Variants in MEGF8 observed in about 807,000 individuals in gnomAD.
The protein encoded by MEGF8 is multiple epidermal growth factor-like domains protein 8.
MEGF8 carries 156 observed loss-of-function variants against 302.9 expected under a neutral mutation model. The observed-to-expected ratio is 0.52, with a 90% CI of 0.45 to 0.59. The LOEUF is 0.59. MEGF8 is among the 20% of genes least tolerant of loss of function. The pLI, the probability that MEGF8 is intolerant of heterozygous loss-of-function variation, is 0.00. For missense variants in MEGF8, 3,345 were observed against 3,964.5 expected, an observed-to-expected ratio of 0.84 and a Z score of 4.20; for synonymous variants, 1,621 against 1,660.5, an observed-to-expected ratio of 0.98 and a Z score of 0.58.
In MEGF8 at chr19:42,343,599, C is replaced by T. The variant is rs756900845; in HGVS notation, c.1636C>T (p.Pro546Ser). 6 of 1,610,948 alleles carry T rather than the reference C, an allele frequency of 3.7e-6. No individual in the cohort carries two copies. Among genetic ancestry groups the T allele is most frequent in the Non-Finnish European group, 4.2e-6 (5 of 1,178,610 alleles). The change falls in exon 9 of 42, where the codon CCC becomes TCC. Residue 546 changes from proline to serine, a missense_variant. Physicochemically the swap from Pro to Ser is moderately conservative, Grantham distance 74. Transcript: ENST00000251268. The stretch of plus-strand genomic sequence containing the variant: ...TGGGGACTTGATGGCGTACAAGGTG[C>T]CCCCCTTTGTGTTCCAGGCACCTGC... Reference protein sequence around the residue: ...PRGDLMAYKVPPFVFQAPAPD... With the variant: ...PRGDLMAYKVSPFVFQAPAPD...
In MEGF8 at chr19:42,376,201, T is replaced by G. The variant is rs1163716739; in HGVS notation, c.7964T>G (p.Phe2655Cys). The stretch of plus-strand genomic sequence containing the variant: ...GACCTGTTTGTCTTCTTCTCCGTCT[T>G]CTTCTCCTGCTTCTTCCTCTTCCTC... ...HIDLFVFFSV[F>C]FSCFFLFLSL... Residue 2655 changes from phenylalanine to cysteine, a missense_variant, in exon 42 of 42, where the codon TTC becomes TGC. Phe to Cys is a radical substitution (Grantham distance 205). Coordinates refer to ENST00000251268, the MANE Select transcript of MEGF8 (RefSeq NM_001271938.2). This position sits in a 1 kb window ranked among gnomAD's most constrained non-coding sequence, Gnocchi z 8.2. 1 of 1,606,160 alleles carries G rather than the reference T, an allele frequency of 6.2e-7. No individual in the cohort carries two copies. The highest frequency in any genetic ancestry group is 8.5e-7 in the Non-Finnish European group (1 of 1,176,454).
Position 42,336,146 on chromosome 19 carries a change from T to G in MEGF8, c.1044T>G (p.Tyr348Ter). The G allele has an allele frequency of 1.9e-6, 3 of 1,610,500 alleles. No homozygotes were observed. The highest frequency in any genetic ancestry group is 2.5e-6 in the Non-Finnish European group (3 of 1,179,758). ...CCCTGGTGGATGATGTCTGGCTATA[T>G]GTGTCTGGAGGCCGCACCCCGCACG... is the stretch of plus-strand genomic sequence containing the variant. ...AAALVDDVWL[Y>*]VSGGRTPHDL... The change falls in exon 6 of 42, where the codon TAT becomes TAG. Residue 348 changes from tyrosine to a stop codon, truncating the protein, a stop_gained. Transcript: ENST00000251268. LOFTEE classifies it high-confidence loss of function. The surrounding 1 kb of genome is among the most constrained non-coding windows in gnomAD (Gnocchi z 4.8).
At position 42,357,560 on chromosome 19, in the gene MEGF8, G is replaced by T; in HGVS notation, c.4987G>T (p.Ala1663Ser). Residue 1663 changes from alanine (A) to serine (S), a missense_variant, in exon 28 of 42, where the codon GCC (alanine) becomes TCC (serine). Ala to Ser is a moderately conservative substitution (Grantham distance 99, BLOSUM62 1). Transcript: ENST00000251268. This position sits in a 1 kb window ranked among gnomAD's most constrained non-coding sequence, Gnocchi z 5.2. Reference protein sequence around the residue: ...QLATGTWVSGAQSGTPPTGLY... With the variant: ...QLATGTWVSGSQSGTPPTGLY... ...GGCAACCGGCACCTGGGTGTCAGGA[G>T]CCCAGAGTGGGACACCCCCCACAGG... is the stretch of plus-strand genomic sequence containing the variant. 2 of 1,610,280 alleles carry T rather than the reference G, an allele frequency of 1.2e-6. No homozygotes were observed. The highest frequency in any genetic ancestry group is 1.7e-6 in the Non-Finnish European group (2 of 1,178,516).
chr19:42,336,340 C>G lies in MEGF8; in HGVS notation c.1238C>G (p.Thr413Ser). The G allele has an allele frequency of 6.3e-7, 1 of 1,594,086 alleles. No homozygotes were observed. Among genetic ancestry groups the G allele is most frequent in the Non-Finnish European group, 8.5e-7 (1 of 1,171,552 alleles). ...GTCCATGGTGGACACCGGCCCTCCACTGCCCGGTAAGTGACCTGTCCCATA... is the reference window on the plus strand; with the variant it reads ...GTCCATGGTGGACACCGGCCCTCCAGTGCCCGGTAAGTGACCTGTCCCATA... The part of the protein sequence containing the change: ...LLVHGGHRPS[T>S]ARFSVRVNST... The change falls in exon 6 of 42, where the codon ACT (threonine) becomes AGT (serine). Residue 413 changes from threonine (T) to serine (S), a missense_variant. By Grantham distance (58) the Thr-to-Ser change is moderately conservative. Coordinates refer to ENST00000251268, the MANE Select transcript of MEGF8 (RefSeq NM_001271938.2). The surrounding 1 kb of genome is among the most constrained non-coding windows in gnomAD (Gnocchi z 4.8).
Position 42,344,907 on chromosome 19 carries a change from C to CT in MEGF8, c.2097+77dup, listed in dbSNP as rs763708388. The CT allele has an allele frequency of 1.4e-4, 195 of 1,399,444 alleles. No homozygotes were observed. Among genetic ancestry groups the CT allele is most frequent in the Admixed American group, 5.5e-4 (22 of 39,968 alleles). 86.7% of individuals were successfully genotyped at this position (1,399,444 alleles called of 1,614,324 possible). A position where few individuals can be genotyped will look rare whatever the true frequency, so the allele number is the denominator to read the frequency against. On this transcript the variant is annotated intron_variant, in intron 12 of 41. Coordinates refer to ENST00000251268, the MANE Select transcript of MEGF8 (RefSeq NM_001271938.2). This position sits in a 1 kb window ranked among gnomAD's most constrained non-coding sequence, Gnocchi z 4.5. ...AGGGTTTGTTTTTTCTCAAATGCAT[C>CT]TTTATCACTCTTATGTTTACTCCAA...
At position 42,360,911 on chromosome 19, in the gene MEGF8, C is replaced by T. The variant is rs2039522217; in HGVS notation, c.5625C>T (p.Asp1875=). ...GRLLALTLPP[D]PCRLLSSPEA... ...TGCTGGCACTGACCCTGCCCCCTGA[C>T]CCCTGCCGCCTGCTGTCCTCACCTG... Residue 1875 remains aspartate, a synonymous_variant, in exon 32 of 42, where the codon GAC becomes GAT. Coordinates refer to ENST00000251268, the MANE Select transcript of MEGF8 (RefSeq NM_001271938.2). The T allele has an allele frequency of 6.2e-7, 1 of 1,612,720 alleles. No individual in the cohort carries two copies. Among genetic ancestry groups the T allele is most frequent in the Admixed American group, 1.7e-5 (1 of 59,936 alleles).
intron 34 of MEGF8, among the ~76,000 whole-genome samples, 152 bp from the exon 35 acceptor site, chr19:42,362,896 C>G (rs1260193484): frequency 1.4e-5 from 2 of 141,636 alleles, no homozygotes; most frequent in Admixed American, 1.4e-4. Flanking sequence ...GGCTGGGCAC[C>G]TGATCTCTTG....
intron 8 of MEGF8, among the ~76,000 whole-genome samples, chr19:42,340,622 A>T (rs1311238509): frequency 1.3e-5 from 2 of 151,896 alleles, no homozygotes; most frequent in African/African-American, 4.8e-5. Context: ...GATTATAAGC[A>T]TGAGCCACCG....
chr19:42,338,602 C>CT (rs2039165921), intron 8 of MEGF8, among the ~76,000 whole-genome samples: 1 of 152,024 alleles, frequency 6.6e-6, no homozygotes, highest in African/African-American at 2.4e-5. Flanking sequence ...CCTCAAGTGT[C>CT]TGTTGTTCCC....
rs942796631 is a variant in MEGF8 at position 42,351,803 on chromosome 19, C to A, written c.3101+42C>A. 2.7e-6 allele frequency: 4 copies of A among 1,498,002 alleles called. No individual in the cohort carries two copies. The highest frequency in any genetic ancestry group is 3.6e-6 in the Non-Finnish European group (4 of 1,099,434). 92.8% of individuals were successfully genotyped at this position (1,498,002 alleles called of 1,614,324 possible). A position where few individuals can be genotyped will look rare whatever the true frequency, so the allele number is the denominator to read the frequency against. On this transcript the variant is annotated intron_variant, in intron 18 of 41. Transcript: ENST00000251268. This position sits in a 1 kb window ranked among gnomAD's most constrained non-coding sequence, Gnocchi z 5.6. ...GGGTGGGCAGGGTGCCCGGCTGTGT[C>A]CTTCCTCCATGACCGGTCATTCTAA... is the stretch of plus-strand genomic sequence containing the variant.
rs954052023 is a variant in MEGF8, at chr19:42,344,633, A to T, written c.1934-37A>T. 5.1e-6 allele frequency: 8 copies of T among 1,567,036 alleles called. No homozygotes were observed. The highest frequency in any genetic ancestry group is 6.9e-6 in the Non-Finnish European group (8 of 1,153,454). ...CGGCAGGAGGGGGCCAGAGCACTCC[A>T]CACTGACCCACCGGCCCCCACCCCC... is the stretch of plus-strand genomic sequence containing the variant. On this transcript the variant is annotated intron_variant, in intron 11 of 41. Coordinates refer to ENST00000251268, the MANE Select transcript of MEGF8 (RefSeq NM_001271938.2). This position sits in a 1 kb window ranked among gnomAD's most constrained non-coding sequence, Gnocchi z 4.5.
rs916505803 is a variant in MEGF8 at position 42,378,746 on chromosome 19, A to C, written c.*1971A>C. On this transcript the variant is annotated 3_prime_UTR_variant, in exon 42 of 42. Coordinates refer to ENST00000251268, the MANE Select transcript of MEGF8 (RefSeq NM_001271938.2). Reference sequence around the variant, plus strand: ...GAAGAGGGGGGTGATGAAATTAACAAATAAAAAGTATGGGGAAAACCCAGG... The same window carrying C: ...GAAGAGGGGGGTGATGAAATTAACACATAAAAAGTATGGGGAAAACCCAGG... 2 of 153,570 alleles carry C rather than the reference A, an allele frequency of 1.3e-5. No individual in the cohort carries two copies. The highest frequency in any genetic ancestry group is 2.9e-5 in the Non-Finnish European group (2 of 68,058). The allele number at this position is 153,570 out of a possible 1,614,324, so 9.5% of individuals were successfully genotyped here.
chr19:42,358,593 A>G lies in MEGF8; in HGVS notation c.5176-194A>G, dbSNP rs2039485905. Among the ~76,000 whole-genome samples, 1 of 152,174 alleles carries G rather than the reference A, an allele frequency of 6.6e-6. No individual in the cohort carries two copies. Among genetic ancestry groups the G allele is most frequent in the South Asian group, 2.1e-4 (1 of 4,826 alleles). On this transcript the variant is annotated intron_variant, in intron 29 of 41. Transcript: ENST00000251268. The surrounding 1 kb of genome is among the most constrained non-coding windows in gnomAD (Gnocchi z 4.4). The stretch of plus-strand genomic sequence containing the variant: ...CTGGGTTTTTCCACTCGTATAAACC[A>G]GGACTGAGGCTCCCCGCTCTTTCTG...
At position 42,325,881 on chromosome 19, in the gene MEGF8, A is replaced by G. The variant is rs377656252; in HGVS notation, c.-363A>G. 20 of 200,290 alleles carry G rather than the reference A, an allele frequency of 1.0e-4. 1 individual carries two copies. In the East Asian group the frequency reaches 1.1e-3, roughly 11 times the overall value. 12.4% of individuals were successfully genotyped at this position (200,290 alleles called of 1,614,324 possible). On this transcript the variant is annotated 5_prime_UTR_variant, in exon 1 of 42. Coordinates refer to ENST00000251268, the MANE Select transcript of MEGF8 (RefSeq NM_001271938.2). Reference sequence around the variant, plus strand: ...TCGCCCCCTGGGGACCCACCCGTCTATAAGGTCCGTTTGGCCTGCAGCAGC... The same window carrying G: ...TCGCCCCCTGGGGACCCACCCGTCTGTAAGGTCCGTTTGGCCTGCAGCAGC...
chr19:42,357,794 A>G lies in MEGF8; in HGVS notation c.5011+210A>G, dbSNP rs535341317. Among the ~76,000 whole-genome samples the G allele has an allele frequency of 6.6e-6, 1 of 152,148 alleles. No individual in the cohort carries two copies. The highest frequency in any genetic ancestry group is 2.1e-4 in the South Asian group (1 of 4,824). On this transcript the variant is annotated intron_variant, in intron 28 of 41. Transcript: ENST00000251268. This position sits in a 1 kb window ranked among gnomAD's most constrained non-coding sequence, Gnocchi z 5.2. ...CAACTAACTGCCCACTCCCGGCCAC[A>G]TGTGGCCACCGTCCCCTGCCCCCAG...
At position 42,369,666 on chromosome 19, in the gene MEGF8, T is replaced by C; in HGVS notation, c.6777T>C (p.Ser2259=). ...CGGAATGCCGCTGCAACCGCCACAG[T>C]GAATGCGCTGGTGTTGGGGCGCGTG... ...CSTECRCNRH[S]ECAGVGARDH... The change falls in exon 38 of 42, where the codon AGT becomes AGC. Residue 2259 remains serine, a synonymous_variant. Coordinates refer to ENST00000251268, the MANE Select transcript of MEGF8 (RefSeq NM_001271938.2). The surrounding 1 kb of genome is among the most constrained non-coding windows in gnomAD (Gnocchi z 5.7). 6.2e-7 allele frequency: 1 copy of C among 1,612,876 alleles called. No individual in the cohort carries two copies. The highest frequency in any genetic ancestry group is 8.5e-7 in the Non-Finnish European group (1 of 1,179,704).
At chr19:42,364,291 C>T (rs375092701) in intron 35 of MEGF8, among the ~76,000 whole-genome samples, 129 of 152,218 alleles carry the variant, frequency 8.5e-4, no homozygotes, top group African/African-American at 3.0e-3. Context: ...GCATTCGCAC[C>T]CCACCCCACT....
intron 12 of MEGF8, among the ~76,000 whole-genome samples, chr19:42,347,243 A>G (rs765158529): frequency 2.0e-5 from 3 of 151,896 alleles, no homozygotes; most frequent in Non-Finnish European, 4.4e-5. Context: ...TATACTATGA[A>G]CATTATACGA....
chr19:42,364,013 G>A (rs1214352233), intron 35 of MEGF8, among the ~76,000 whole-genome samples: 4 of 152,216 alleles, frequency 2.6e-5, no homozygotes, highest in Non-Finnish European at 5.9e-5. Context: ...CTTAGTGCAC[G>A]AGCTACATGT....
Sources: allele counts gnomAD v4.1 joint callset (sites outside exome capture counted in the v4.1 genomes callset), GRCh38; gene constraint gnomAD v4.1.1; non-coding constraint Gnocchi (gnomAD v3.1); transcripts MANE v1.5; gene names NCBI Gene and HGNC (gene_info 2026-07-23, HGNC 2026-07-21).